Variants in MAGI2 observed in about 807,000 individuals in gnomAD.
MAGI2 encodes membrane-associated guanylate kinase, WW and PDZ domain-containing protein 2.
MAGI2 carries 35 observed loss-of-function variants against 133.3 expected under a neutral mutation model. The observed-to-expected ratio is 0.26, with a 90% CI of 0.20 to 0.35. The LOEUF (loss-of-function observed/expected upper bound fraction) is 0.35, where lower values mean the gene tolerates loss of function less well. MAGI2 is among the 10% of genes least tolerant of loss of function. MAGI2 has a pLI of 1.00. For synonymous variants in MAGI2, 729 were observed against 710.6 expected (o/e 1.03, Z -0.41); for missense variants, 1,636 against 1,863.4 (o/e 0.88, Z 2.25).
At chr7:78,531,462 T>C (rs1473825218) in intron 3 of MAGI2, among the ~76,000 whole-genome samples, 1 of 152,136 alleles carries the variant, frequency 6.6e-6, no homozygotes, top group Non-Finnish European at 1.5e-5. Context: ...TCTGCCTGCT[T>C]TGGACTCCCA....
intron 2 of MAGI2, among the ~76,000 whole-genome samples, chr7:78,714,614 C>T (rs1819526302): frequency 6.6e-6 from 1 of 152,110 alleles, no homozygotes. Flanking sequence ...TCCTGTGTAC[C>T]AGGGAGCAGA....
rs887122910 is a variant in MAGI2 at position 78,090,960 on chromosome 7, G to A, written c.3568-11875C>T. 2.0e-5 allele frequency among the ~76,000 whole-genome samples: 3 copies of A among 152,192 alleles called. No individual in the cohort carries two copies. The South Asian group carries it at 6.2e-4, about 32-fold the overall frequency. ...ATAGTTATTCTATAACTACCTCCCA[G>A]TATACAGCTTGAGAGCAGAGATTTG... On this transcript the variant is annotated intron_variant, in intron 20 of 21. Transcript: ENST00000354212.
intron 3 of MAGI2, among the ~76,000 whole-genome samples, chr7:78,564,876 C>T (rs1389920722): frequency 7.4e-6 from 1 of 134,232 alleles, no homozygotes; most frequent in Non-Finnish European, 1.5e-5. Context: ...TCACTGCAAG[C>T]TCCGCCTCCC....
At chr7:79,081,902 C>A (rs1816072656) in intron 1 of MAGI2, among the ~76,000 whole-genome samples, 1 of 152,022 alleles carries the variant, frequency 6.6e-6, no homozygotes, top group South Asian at 2.1e-4. Flanking sequence ...AGCTGTTGGT[C>A]CTACTTTTTG....
chr7:79,107,165 A>T (rs191751537), intron 1 of MAGI2, among the ~76,000 whole-genome samples: 87 of 152,330 alleles, frequency 5.7e-4, no homozygotes, highest in African/African-American at 2.0e-3. Flanking sequence ...CACATGAATA[A>T]GTGGAGAGCT....
At chr7:78,080,766 A>G (rs758030070) in intron 20 of MAGI2, among the ~76,000 whole-genome samples, 1 of 152,130 alleles carries the variant, frequency 6.6e-6, no homozygotes, top group Non-Finnish European at 1.5e-5. Context: ...CCTTTCTCCC[A>G]AAGTGGTTCT....
intron 1 of MAGI2, among the ~76,000 whole-genome samples, chr7:79,217,783 C>T (rs1357950961): frequency 1.3e-5 from 2 of 151,916 alleles, no homozygotes; most frequent in East Asian, 3.8e-4. Flanking sequence ...AGAGGGTACA[C>T]TAGGAATTAA....
intron 2 of MAGI2, among the ~76,000 whole-genome samples, chr7:78,764,732 G>GT (rs1824840301): frequency 6.6e-6 from 1 of 152,148 alleles, no homozygotes; most frequent in Non-Finnish European, 1.5e-5. Context: ...GTTGCCAATT[G>GT]TTTTTTATAA....
At chr7:78,711,038 A>C (rs928103818) in intron 2 of MAGI2, among the ~76,000 whole-genome samples, 2 of 152,210 alleles carry the variant, frequency 1.3e-5, no homozygotes, top group Admixed American at 6.5e-5. Flanking sequence ...AGTCTAGTGC[A>C]TGATGATCAC....
intron 1 of MAGI2, among the ~76,000 whole-genome samples, chr7:79,243,921 A>G (rs1832622626): frequency 2.0e-5 from 3 of 152,248 alleles, no homozygotes; most frequent in Admixed American, 1.3e-4. Flanking sequence ...CTTACTTGAA[A>G]GAAACATTAT....
chr7:79,327,984 T>G (rs1001392356), intron 1 of MAGI2, among the ~76,000 whole-genome samples: 3 of 152,150 alleles, frequency 2.0e-5, no homozygotes, highest in African/African-American at 7.2e-5. Context: ...GGTATGAAAA[T>G]TTCAATATAT....
intron 7 of MAGI2, among the ~76,000 whole-genome samples, chr7:78,347,642 T>C (rs1791054685): frequency 6.6e-6 from 1 of 152,194 alleles, no homozygotes; most frequent in African/African-American, 2.4e-5. Context: ...ATTACTGTCA[T>C]CATTTTTCAT....
chr7:79,068,430 G>C (rs1388975164), intron 1 of MAGI2, among the ~76,000 whole-genome samples: 1 of 152,162 alleles, frequency 6.6e-6, no homozygotes, highest in Non-Finnish European at 1.5e-5. Context: ...TGTGGGATCA[G>C]TGGTGATATC....
chr7:78,555,986 C>CTGTTTAAAAAAGAAATTTTA (rs1799787219), intron 3 of MAGI2, among the ~76,000 whole-genome samples: 1 of 151,992 alleles, frequency 6.6e-6, no homozygotes, highest in Non-Finnish European at 1.5e-5. Flanking sequence ...AAAGCTATTA[C>CTGTTTAAAAAAGAAATTTTA]CATGTTTAAA....
chr7:78,340,047 C>A (rs1301388861), intron 9 of MAGI2, among the ~76,000 whole-genome samples: 1 of 152,038 alleles, frequency 6.6e-6, no homozygotes, highest in Non-Finnish European at 1.5e-5. Context: ...ACACAAACCA[C>A]TTTAAAACCC....
intron 1 of MAGI2, among the ~76,000 whole-genome samples, chr7:79,192,852 CTCTG>C (rs965544834): frequency 4.6e-4 from 70 of 151,834 alleles, no homozygotes; most frequent in African/African-American, 1.4e-3. Context: ...TACAATCTCA[CTCTG>C]TCTCTTTGAG....
chr7:78,213,999 C>G (rs1438311047), intron 10 of MAGI2, among the ~76,000 whole-genome samples: 1 of 152,170 alleles, frequency 6.6e-6, no homozygotes, highest in East Asian at 1.9e-4. Context: ...CATGTGATTG[C>G]TGTTGAGTTG....
intron 20 of MAGI2, among the ~76,000 whole-genome samples, chr7:78,096,310 C>T (rs1339552069): frequency 1.3e-5 from 2 of 152,150 alleles, no homozygotes; most frequent in African/African-American, 4.8e-5. Context: ...GTCATTTAAC[C>T]TCTGCAAATC....
chr7:79,439,804 C>T (rs1848382445), intron 1 of MAGI2, among the ~76,000 whole-genome samples: 1 of 152,130 alleles, frequency 6.6e-6, no homozygotes, highest in African/African-American at 2.4e-5. Flanking sequence ...AACACACACA[C>T]ACACAAACTC....
Sources: gnomAD v4.1 joint callset for allele counts (sites outside exome capture counted in the v4.1 genomes callset) on GRCh38, gnomAD v4.1.1 for gene constraint, MANE v1.5 for transcripts, NCBI Gene and HGNC (gene_info 2026-07-23, HGNC 2026-07-21) for gene names.